The following STRN3 variants were observed in gnomAD, a reference collection of about 807,000 sequenced individuals.
The protein encoded by STRN3 is striatin 3.
In STRN3, 29 loss-of-function variants were observed where a neutral mutation model predicts 95.6. That is an observed-to-expected ratio of 0.30 (90% CI 0.23 to 0.41). The LOEUF (loss-of-function observed/expected upper bound fraction) is 0.41. STRN3 is among the 10% of genes least tolerant of loss of function. The probability of loss-of-function intolerance (pLI) is 1.00; values close to 1 mark genes in which losing one functional copy is unlikely to be tolerated. For synonymous variants in STRN3, 331 were observed against 357.6 expected, an observed-to-expected ratio of 0.93 and a Z score of 0.84; for missense variants, 890 against 972.1, an observed-to-expected ratio of 0.92 and a Z score of 1.12.
At chr14:30,974,418 CATAA>C (rs1880984116) in intron 1 of STRN3, among the ~76,000 whole-genome samples, 1 of 152,048 alleles carries the variant, frequency 6.6e-6, no homozygotes. Flanking sequence ...GAAATTAAGA[CATAA>C]ATAAATGAAA....
chr14:30,923,091 G>A (rs1410698961), intron 8 of STRN3, among the ~76,000 whole-genome samples: 1 of 152,134 alleles, frequency 6.6e-6, no homozygotes, highest in Non-Finnish European at 1.5e-5. Context: ...TGGGCTCTTC[G>A]AATTAGTACT....
At chr14:30,936,354 A>G (rs1878817984) in intron 6 of STRN3, 141 bp downstream of exon 6, 1 of 932,028 alleles carries the variant, frequency 1.1e-6, no homozygotes, top group African/African-American at 1.7e-5. Context: ...TAATGCAAAA[A>G]GAGCTGACCA....
At chr14:30,899,768 T>C (rs1896255231) in intron 16 of STRN3, among the ~76,000 whole-genome samples, 2 of 149,628 alleles carry the variant, frequency 1.3e-5, no homozygotes, top group Non-Finnish European at 3.0e-5. Flanking sequence ...TTATTTCCTC[T>C]AGACAACAAG....
chr14:30,969,256 A>C (rs1880703713), intron 1 of STRN3, among the ~76,000 whole-genome samples: 1 of 152,168 alleles, frequency 6.6e-6, no homozygotes, highest in Admixed American at 6.5e-5. Context: ...TAACATGGTG[A>C]AACACCATCT....
At position 31,020,906 on chromosome 14, in the gene STRN3, GA is replaced by G. The variant is rs879655124; in HGVS notation, c.282+4997del. Among the ~76,000 whole-genome samples, 854 of 143,256 alleles carry G rather than the reference GA, an allele frequency of 6.0e-3. 9 individuals carry two copies. Among genetic ancestry groups the G allele is most frequent in the African/African-American group, 0.019 (734 of 39,178 alleles). 94.0% of individuals were successfully genotyped at this position (143,256 alleles called of 152,430 possible). A position where few individuals can be genotyped will look rare whatever the true frequency, so the allele number is the denominator to read the frequency against. ...CGGCAACAGAGTAGGACGCTCTCTT[GA>G]AAAAAAAAAAAATTATTTCTAGAGT... On this transcript the variant is annotated intron_variant, in intron 1 of 17. Coordinates refer to ENST00000357479, the MANE Select transcript of STRN3 (RefSeq NM_001083893.2).
At chr14:30,954,521 C>A (rs1383713829) in intron 3 of STRN3, among the ~76,000 whole-genome samples, 1 of 152,126 alleles carries the variant, frequency 6.6e-6, no homozygotes, top group Non-Finnish European at 1.5e-5. Context: ...TTCTGCCCAT[C>A]CCTTTGTTTG....
chr14:31,011,866 G>A (rs892206639), intron 1 of STRN3, among the ~76,000 whole-genome samples: 3 of 152,124 alleles, frequency 2.0e-5, no homozygotes, highest in African/African-American at 7.2e-5. Context: ...GACCACCTGA[G>A]GTCAGGAGTC....
At chr14:30,959,929 A>G (rs904543629) in intron 1 of STRN3, among the ~76,000 whole-genome samples, 6 of 152,204 alleles carry the variant, frequency 3.9e-5, no homozygotes, top group Non-Finnish European at 8.8e-5. Context: ...AAAAATATCA[A>G]TTTTTACCCA....
At chr14:30,947,679 T>C (rs1163099131) in intron 4 of STRN3, among the ~76,000 whole-genome samples, 2 of 152,152 alleles carry the variant, frequency 1.3e-5, no homozygotes, top group Non-Finnish European at 2.9e-5. Flanking sequence ...AACTGCATCT[T>C]AGCACACAGA....
chr14:30,995,504 T>C (rs1380233964), intron 1 of STRN3, among the ~76,000 whole-genome samples: 1 of 152,198 alleles, frequency 6.6e-6, no homozygotes, highest in Non-Finnish European at 1.5e-5. Context: ...CTTTTGAATA[T>C]CTGCTAGCTA....
chr14:31,025,663 T>C (rs1355405867), intron 1 of STRN3: 9 of 606,886 alleles, frequency 1.5e-5, no homozygotes, highest in Non-Finnish European at 2.5e-5. Flanking sequence ...AAAGCCAAAA[T>C]GGCTGCCCCG....
intron 8 of STRN3, 118 bp from the exon 9 acceptor site, chr14:30,919,224 A>G (rs1896818519): frequency 1.8e-6 from 2 of 1,103,448 alleles, no homozygotes; most frequent in South Asian, 2.3e-5. Context: ...TTATTAAAAT[A>G]TCAGAAAATT....
At chr14:30,986,882 C>A (rs560159758) in intron 1 of STRN3, among the ~76,000 whole-genome samples, 2 of 152,276 alleles carry the variant, frequency 1.3e-5, no homozygotes, top group South Asian at 4.1e-4. Context: ...ACACATACTA[C>A]ATATTTAATT....
intron 1 of STRN3, 90 bp from the exon 2 acceptor site, chr14:30,956,332 C>T (rs1242036592): frequency 2.5e-6 from 3 of 1,178,160 alleles, no homozygotes; most frequent in Non-Finnish European, 3.7e-6. Context: ...CAAACTGTTG[C>T]ACTTGACTCA....
intron 1 of STRN3, among the ~76,000 whole-genome samples, chr14:30,963,201 T>C (rs1880298849): frequency 6.6e-6 from 1 of 152,120 alleles, no homozygotes; most frequent in South Asian, 2.1e-4. Flanking sequence ...ACAACAGTAG[T>C]TGGAGATTCA....
Position 30,907,292 on chromosome 14 carries a change from TTTA to T in STRN3, c.1721-251_1721-249del, listed in dbSNP as rs1338119222. ...AAAGAAACATATGCTTTTTTTTTTTTTTAAAACAGCTTTCTTGAGATACAGATA... is the reference window on the plus strand; with the variant it reads ...AAAGAAACATATGCTTTTTTTTTTTTAAACAGCTTTCTTGAGATACAGATA... On this transcript the variant is annotated intron_variant, in intron 13 of 17. Coordinates refer to ENST00000357479, the MANE Select transcript of STRN3 (RefSeq NM_001083893.2). Among the ~76,000 whole-genome samples the T allele has an allele frequency of 7.2e-5, 11 of 152,270 alleles. No individual in the cohort carries two copies. The East Asian group carries it at 1.3e-3, about 19-fold the overall frequency.
intron 9 of STRN3, among the ~76,000 whole-genome samples, chr14:30,917,849 C>G (rs1258185411): frequency 6.6e-6 from 1 of 152,022 alleles, no homozygotes; most frequent in East Asian, 1.9e-4. Context: ...ACTGGGACAT[C>G]AAACAAATCC....
chr14:30,967,088 G>C (rs1399221829), intron 1 of STRN3, among the ~76,000 whole-genome samples: 1 of 152,030 alleles, frequency 6.6e-6, no homozygotes, highest in Non-Finnish European at 1.5e-5. Flanking sequence ...GGTGTTAAGG[G>C]GTTGAGCCTT....
In STRN3 at chr14:30,904,992, T is replaced by C. The variant is rs547575776; in HGVS notation, c.2029+426A>G. On this transcript the variant is annotated intron_variant, in intron 15 of 17. Transcript: ENST00000357479. ...AAAAAAAAAAAGAACATAAAAGAGA[T>C]GAAGGGGAATCTATGGATGAAGAGA... is the stretch of plus-strand genomic sequence containing the variant. 6.3e-5 allele frequency among the ~76,000 whole-genome samples: 9 copies of C among 142,166 alleles called. No individual in the cohort carries two copies. In the South Asian group the frequency reaches 1.7e-3, roughly 27 times the overall value. The allele number at this position is 142,166 out of a possible 152,430, so 93.3% of individuals were successfully genotyped here.
Sources: gnomAD v4.1 joint callset for allele counts (sites outside exome capture counted in the v4.1 genomes callset) on GRCh38, gnomAD v4.1.1 for gene constraint, MANE v1.5 for transcripts, NCBI Gene and HGNC (gene_info 2026-07-23, HGNC 2026-07-21) for gene names.